Variants in BAZ2B observed in about 807,000 individuals in gnomAD.
The protein encoded by BAZ2B is bromodomain adjacent to zinc finger domain protein 2B.
A neutral mutation model predicts 246.0 loss-of-function variants in BAZ2B; 91 were observed. The ratio of observed to expected loss-of-function variants is 0.37; its 90% confidence interval spans 0.31 to 0.44. The LOEUF is 0.44. Among genes scored for constraint, BAZ2B ranks in the 20% least tolerant of loss-of-function variants. The pLI is 1.00. For missense variants in BAZ2B, 2,332 were observed against 2,533.7 expected (o/e 0.92, Z 1.71); for synonymous variants, 855 against 860.0 (o/e 0.99, Z 0.10).
the BAZ2B span, among the ~76,000 whole-genome samples, chr2:159,654,883 G>C: frequency 2.6e-5 from 4 of 152,146 alleles, no homozygotes; most frequent in African/African-American, 9.7e-5. Flanking sequence ...CTTGAGCCTG[G>C]GAGGCGGAAG....
chr2:159,478,771 C>A, intron 2 of BAZ2B, 50 bp from the exon 3 acceptor site: 2 of 1,340,076 alleles, frequency 1.5e-6, no homozygotes, highest in Non-Finnish European at 9.8e-7. Context: ...AAAATTTTTT[C>A]AAAAGAATTC....
chr2:159,430,128 A>G (rs1357399097), intron 10 of BAZ2B, among the ~76,000 whole-genome samples: 3 of 152,176 alleles, frequency 2.0e-5, no homozygotes, highest in Non-Finnish European at 4.4e-5. Flanking sequence ...TAACCAAGTG[A>G]GCTTTTTTAT....
chr2:159,444,257 G>C (rs566853810), intron 6 of BAZ2B: 1 of 152,186 alleles, frequency 6.6e-6, no homozygotes, highest in Non-Finnish European at 1.5e-5. Flanking sequence ...CTGTGTCCCT[G>C]GGAGGAAACA....
At chr2:159,466,279 G>C (rs2077035813) in intron 3 of BAZ2B, among the ~76,000 whole-genome samples, 1 of 152,276 alleles carries the variant, frequency 6.6e-6, no homozygotes, top group South Asian at 2.1e-4. Context: ...ATTATTACCA[G>C]AGCAATGCAC....
intron 4 of BAZ2B, 78 bp downstream of exon 4, chr2:159,453,535 G>A: frequency 7.0e-7 from 1 of 1,428,304 alleles, no homozygotes; most frequent in African/African-American, 1.4e-5. Context: ...TATTCCTTTT[G>A]TTCAATAGAC....
intron 2 of BAZ2B, among the ~76,000 whole-genome samples, chr2:159,532,824 T>G (rs2085514067): frequency 6.6e-6 from 1 of 152,118 alleles, no homozygotes; most frequent in Non-Finnish European, 1.5e-5. Flanking sequence ...TCGTTTTAGG[T>G]AGACATGGCC....
chr2:159,440,299 G>A (rs191007687), intron 6 of BAZ2B, among the ~76,000 whole-genome samples: 1 of 152,158 alleles, frequency 6.6e-6, no homozygotes, highest in East Asian at 1.9e-4. Context: ...AATTACAAAA[G>A]TTATGATCTT....
At chr2:159,419,050 A>G (rs2068263035) in intron 13 of BAZ2B, among the ~76,000 whole-genome samples, 1 of 152,180 alleles carries the variant, frequency 6.6e-6, no homozygotes, top group East Asian at 1.9e-4. Context: ...ATTTTCAGTA[A>G]ATTTAACCAT....
intron 32 of BAZ2B, among the ~76,000 whole-genome samples, chr2:159,337,302 G>A (rs1360196390): frequency 6.6e-6 from 1 of 152,008 alleles, no homozygotes; most frequent in Non-Finnish European, 1.5e-5. Flanking sequence ...GATTATCAAC[G>A]CACATAACAA....
chr2:159,349,444 T>C (rs2058328706), intron 28 of BAZ2B, among the ~76,000 whole-genome samples, 164 bp from the exon 29 acceptor site: 1 of 152,260 alleles, frequency 6.6e-6, no homozygotes, highest in African/African-American at 2.4e-5. Flanking sequence ...AAATTCCATG[T>C]TCTTATTTGT....
chr2:159,494,286 T>C (rs541456470), intron 2 of BAZ2B, among the ~76,000 whole-genome samples: 1 of 152,296 alleles, frequency 6.6e-6, no homozygotes, highest in Non-Finnish European at 1.5e-5. Context: ...TGAAATATTC[T>C]GGGTCACTCT....
chr2:159,423,620 T>A (rs1056811969), intron 13 of BAZ2B, among the ~76,000 whole-genome samples: 7 of 152,170 alleles, frequency 4.6e-5, no homozygotes, highest in African/African-American at 1.7e-4. Flanking sequence ...AATCAACCTA[T>A]ATGCCCATCA....
Position 159,324,391 on chromosome 2 carries a change from T to C in BAZ2B, c.6353+420A>G, listed in dbSNP as rs143324529. On this transcript the variant is annotated intron_variant, in intron 36 of 36. Transcript: ENST00000392783. ...CTACATTGTGATAATCTAACAATAT[T>C]TGAGTCAATTTTTGTTAAATCCATA... Among the ~76,000 whole-genome samples, 739 of 152,288 alleles carry C rather than the reference T, an allele frequency of 4.9e-3. 6 individuals carry two copies. Among genetic ancestry groups the C allele is most frequent in the African/African-American group, 0.017 (691 of 41,572 alleles).
chr2:159,432,879 C>T lies in BAZ2B; in HGVS notation c.1778G>A (p.Gly593Glu), dbSNP rs2071408493. The T allele has an allele frequency of 1.9e-6, 3 of 1,614,066 alleles. No homozygotes were observed. The highest frequency in any genetic ancestry group is 2.5e-6 in the Non-Finnish European group (3 of 1,180,012). Residue 593 changes from glycine (G) to glutamate (E), a missense_variant, in exon 9 of 37, where the codon GGA (glycine) becomes GAA (glutamate). By Grantham distance (98) the Gly-to-Glu change is moderately conservative. Coordinates refer to ENST00000392783, the MANE Select transcript of BAZ2B (RefSeq NM_013450.4). ...PAKSLVEQFR[G>E]TDSDIPSSKD... The stretch of plus-strand genomic sequence containing the variant: ...ACTACTGGGAATGTCTGAATCTGTT[C>T]CTCTGAATTGTTCCACTAAAGATTT...
the BAZ2B span, among the ~76,000 whole-genome samples, chr2:159,703,773 T>C: frequency 6.6e-6 from 1 of 151,786 alleles, no homozygotes; most frequent in Non-Finnish European, 1.5e-5. Context: ...GCTGAGGTGA[T>C]AGGATCTCTT....
At chr2:159,367,175 A>T (rs1444571355) in intron 27 of BAZ2B, among the ~76,000 whole-genome samples, 2 of 152,158 alleles carry the variant, frequency 1.3e-5, no homozygotes, top group Non-Finnish European at 2.9e-5. Flanking sequence ...ATAATGAAGG[A>T]CTTGGACTAA....
In BAZ2B at chr2:159,380,421, G is replaced by A. The variant is rs371465946; in HGVS notation, c.4005+2138C>T. The stretch of plus-strand genomic sequence containing the variant: ...TTGCCAAATTCAATCAACATTTTTG[G>A]TCCATATCACACTGCTTTAACACTG... On this transcript the variant is annotated intron_variant, in intron 25 of 36. Transcript: ENST00000392783. 1.3e-5 allele frequency among the ~76,000 whole-genome samples: 2 copies of A among 152,112 alleles called. 1 individual carries two copies. Among genetic ancestry groups the A allele is most frequent in the South Asian group, 4.2e-4 (2 of 4,818 alleles).
the BAZ2B span, among the ~76,000 whole-genome samples, chr2:159,695,670 G>T: frequency 6.6e-6 from 1 of 152,110 alleles, no homozygotes; most frequent in African/African-American, 2.4e-5. Flanking sequence ...TGGCATTCTT[G>T]AAGAAAATGA....
intron 1 of BAZ2B, among the ~76,000 whole-genome samples, chr2:159,614,815 A>C (rs1258607088): frequency 1.3e-5 from 2 of 152,186 alleles, no homozygotes; most frequent in Non-Finnish European, 2.9e-5. Context: ...AATCCTATAA[A>C]ACAGGAGAAA....
Sources: gnomAD v4.1 joint callset for allele counts (sites outside exome capture counted in the v4.1 genomes callset) on GRCh38, gnomAD v4.1.1 for gene constraint, MANE v1.5 for transcripts, NCBI Gene and HGNC (gene_info 2026-07-23, HGNC 2026-07-21) for gene names.